TBX19: variants seen among roughly 807,000 people sequenced by gnomAD.
TBX19 encodes T-box transcription factor 19, also known as T-box transcription factor TBX19.
Under a neutral mutation model 40.9 loss-of-function variants are expected in TBX19, and 33 were observed. The ratio of observed to expected loss-of-function variants is 0.81; its 90% CI spans 0.61 to 1.08. The LOEUF (loss-of-function observed/expected upper bound fraction) is 1.08. Among genes scored for constraint, TBX19 ranks in the 50% least tolerant of loss-of-function variants. The pLI is 0.00. For synonymous variants in TBX19, 220 were observed against 225.0 expected (o/e 0.98, Z 0.20); for missense variants, 494 against 574.0 (o/e 0.86, Z 1.42).
intron 6 of TBX19, 139 bp downstream of exon 6, chr1:168,305,335 T>C: frequency 1.3e-6 from 1 of 763,232 alleles, no homozygotes; most frequent in East Asian, 2.6e-5. Context: ...ATGATTGTTT[T>C]TGTGTTTTAT....
chr1:168,299,357 G>A (rs1649220777), intron 4 of TBX19, among the ~76,000 whole-genome samples: 1 of 152,122 alleles, frequency 6.6e-6, no homozygotes, highest in Non-Finnish European at 1.5e-5. Context: ...CTTTTAAATA[G>A]TTTTTATAAC....
intron 1 of TBX19, among the ~76,000 whole-genome samples, chr1:168,286,603 A>G (rs1466421947): frequency 6.6e-6 from 1 of 152,262 alleles, no homozygotes; most frequent in Non-Finnish European, 1.5e-5. Context: ...GTATGGATAT[A>G]ACACATTTTA....
intron 2 of TBX19, among the ~76,000 whole-genome samples, chr1:168,292,785 A>C (rs1648974829): frequency 1.3e-5 from 2 of 148,230 alleles, no homozygotes; most frequent in Non-Finnish European, 3.0e-5. Context: ...AATGGCGTGA[A>C]CCCGGGAGGC....
In TBX19 at chr1:168,305,145, C is replaced by T. The variant is rs756726551; in HGVS notation, c.865C>T (p.Arg289Trp). The T allele has an allele frequency of 8.7e-6, 14 of 1,613,688 alleles. No individual in the cohort carries two copies. The highest frequency in any genetic ancestry group is 2.2e-5 in the South Asian group (2 of 91,082). ...GCACTATTCGGGTCTCCGAGGACAC[C>T]GGCAGGCTCCCTACCCTTCTGCGTA... ...CEHYSGLRGH[R>W]QAPYPSAYMH... The change falls in exon 6 of 8, where the codon CGG becomes TGG. Residue 289 changes from arginine to tryptophan, a missense_variant. Physicochemically the swap from Arg to Trp is moderately radical, Grantham distance 101. Around this residue, in one of 3 missense-constraint regions of TBX19, gnomAD observed 284 missense variants for 307.3 expected, o/e 0.92. Transcript: ENST00000367821.
At chr1:168,293,911 A>T (rs899900281) in intron 3 of TBX19, among the ~76,000 whole-genome samples, 3 of 152,166 alleles carry the variant, frequency 2.0e-5, no homozygotes, top group Non-Finnish European at 2.9e-5. Flanking sequence ...CTTTAAAAAA[A>T]TTTTTTAAAG....
chr1:168,287,465 A>T (rs1263766670), intron 1 of TBX19, among the ~76,000 whole-genome samples: 1 of 152,110 alleles, frequency 6.6e-6, no homozygotes, highest in African/African-American at 2.4e-5. Context: ...GCAATTTGAA[A>T]TGATTTTTTT....
intron 5 of TBX19, among the ~76,000 whole-genome samples, chr1:168,301,508 G>A (rs1179873491): frequency 6.6e-6 from 1 of 152,156 alleles, no homozygotes; most frequent in East Asian, 1.9e-4. Context: ...TGATCCGCCT[G>A]CCTCGACCTC....
intron 2 of TBX19, 67 bp downstream of exon 2, chr1:168,291,491 CA>C: frequency 6.2e-7 from 1 of 1,610,126 alleles, no homozygotes; most frequent in East Asian, 2.2e-5. Flanking sequence ...CAAGAAATAT[CA>C]AGGGTGCATT....
At chr1:168,296,574 T>A (rs1649108863) in intron 3 of TBX19, among the ~76,000 whole-genome samples, 1 of 152,002 alleles carries the variant, frequency 6.6e-6, no homozygotes, top group Non-Finnish European at 1.5e-5. Context: ...TTCAGTTATC[T>A]CCCACCGGGA....
intron 7 of TBX19, 72 bp downstream of exon 7, chr1:168,308,949 A>C (rs771689664): frequency 6.2e-7 from 1 of 1,607,454 alleles, no homozygotes. Flanking sequence ...ACTCAAGTTC[A>C]TTCTTTTTCC....
At position 168,313,587 on chromosome 1, in the gene TBX19, T is replaced by C. The variant is rs1356298767; in HGVS notation, c.*585T>C. On this transcript the variant is annotated 3_prime_UTR_variant, in exon 8 of 8. Transcript: ENST00000367821. ...CACTCCTCTGCTCAGAAACCTTCAA[T>C]GGTTCACCATTACCAGTGGAATGAA... 1 of 160,462 alleles carries C rather than the reference T, an allele frequency of 6.2e-6. No individual in the cohort carries two copies. Among genetic ancestry groups the C allele is most frequent in the Non-Finnish European group, 1.4e-5 (1 of 72,912 alleles). 9.9% of individuals were successfully genotyped at this position (160,462 alleles called of 1,614,324 possible).
In TBX19 at chr1:168,313,521, C is replaced by T; in HGVS notation, c.*519C>T. ...AAAGAATAAAGCTAATCATGTATTA[C>T]AAACAGCAGTGTGCCCAGACTTGTG... On this transcript the variant is annotated 3_prime_UTR_variant, in exon 8 of 8. Coordinates refer to ENST00000367821, the MANE Select transcript of TBX19 (RefSeq NM_005149.3). 1 of 183,484 alleles carries T rather than the reference C, an allele frequency of 5.5e-6. No individual in the cohort carries two copies. Among genetic ancestry groups the T allele is most frequent in the South Asian group, 1.3e-4 (1 of 7,992 alleles). The allele number at this position is 183,484 out of a possible 1,614,324, so 11.4% of individuals were successfully genotyped here.
At chr1:168,298,012 T>C (rs1250864318) in intron 4 of TBX19, among the ~76,000 whole-genome samples, 2 of 151,786 alleles carry the variant, frequency 1.3e-5, no homozygotes, top group African/African-American at 2.4e-5. Flanking sequence ...CTGGCTAACA[T>C]GGTGAAACCC....
chr1:168,296,528 A>G (rs1426628930), intron 3 of TBX19, among the ~76,000 whole-genome samples: 1 of 152,166 alleles, frequency 6.6e-6, no homozygotes, highest in Non-Finnish European at 1.5e-5. Flanking sequence ...CTTATTCACT[A>G]CCACGAGAAC....
In TBX19 at chr1:168,286,457, C is replaced by T. The variant is rs116706767; in HGVS notation, c.204-4703C>T. On this transcript the variant is annotated intron_variant, in intron 1 of 7. Transcript: ENST00000367821. ...AGAGTTACCTATTTCATATCATGGA[C>T]ATTTGATATCCTGGGAATCATACAA... Among the ~76,000 whole-genome samples, 234 of 152,354 alleles carry T rather than the reference C, an allele frequency of 1.5e-3. 1 individual carries two copies. Among genetic ancestry groups the T allele is most frequent in the African/African-American group, 5.4e-3 (224 of 41,572 alleles).
intron 5 of TBX19, among the ~76,000 whole-genome samples, chr1:168,303,933 G>T (rs181196820): frequency 6.6e-6 from 1 of 152,268 alleles, no homozygotes; most frequent in Admixed American, 6.5e-5. Context: ...CTTGGTTTTG[G>T]TGGGTTTTGG....
intron 1 of TBX19, among the ~76,000 whole-genome samples, chr1:168,290,487 C>G (rs944930558): frequency 2.0e-5 from 3 of 152,244 alleles, no homozygotes; most frequent in African/African-American, 7.2e-5. Context: ...CTGAGGCATC[C>G]TGGAGGAAAG....
At chr1:168,298,831 CTTTCTTTCTTTCTTTCTTT>C (rs1649190898) in intron 4 of TBX19, among the ~76,000 whole-genome samples, 1 of 34,558 alleles carries the variant, frequency 2.9e-5, no homozygotes, top group African/African-American at 1.8e-4. Context: ...TCCTTTCTTT[CTTTCTTTCTTTCTTTCTTT>C]CTTTCTTTCT....
intron 1 of TBX19, among the ~76,000 whole-genome samples, chr1:168,281,502 G>A (rs1456013928): frequency 6.6e-6 from 1 of 152,234 alleles, no homozygotes; most frequent in African/African-American, 2.4e-5. Context: ...CCTGTCTTAT[G>A]TGCATTTTAA....
Sources: allele counts gnomAD v4.1 joint callset (sites outside exome capture counted in the v4.1 genomes callset), GRCh38; gene constraint gnomAD v4.1.1; regional missense constraint gnomAD v4.1.1; transcripts MANE v1.5; gene names NCBI Gene and HGNC (gene_info 2026-07-23, HGNC 2026-07-21).